The following POC1B variants were observed in gnomAD, a reference collection of about 807,000 sequenced individuals.
POC1B encodes the protein POC1 centriolar protein homolog B.
Under a neutral mutation model 60.6 loss-of-function variants are expected in POC1B, and 44 were observed. The ratio of observed to expected loss-of-function variants is 0.73; its 90% CI spans 0.57 to 0.93. The LOEUF (loss-of-function observed/expected upper bound fraction) is 0.93, where lower values mean the gene tolerates loss of function less well. Among genes scored for constraint, POC1B ranks in the 40% least tolerant of loss-of-function variants. The pLI is 0.00. For missense variants in POC1B, 555 were observed against 572.3 expected (o/e 0.97, Z 0.31); for synonymous variants, 180 against 198.9 (o/e 0.90, Z 0.80).
the POC1B span, among the ~76,000 whole-genome samples, chr12:89,402,650 G>C: frequency 1.3e-5 from 2 of 152,140 alleles, no homozygotes; most frequent in Non-Finnish European, 2.9e-5. Context: ...GCATTAGTTT[G>C]CTGAGAATAA....
rs918920719 is a variant in POC1B at position 89,500,874 on chromosome 12, G to A, written c.101-3532C>T. 2.3e-5 allele frequency: 25 copies of A among 1,070,828 alleles called. No individual in the cohort carries two copies. The African/African-American group carries it at 3.3e-4, about 14-fold the overall frequency. The allele number at this position is 1,070,828 out of a possible 1,614,324, so 66.3% of individuals were successfully genotyped here. On this transcript the variant is annotated intron_variant, in intron 2 of 11. Coordinates refer to ENST00000313546, the MANE Select transcript of POC1B (RefSeq NM_172240.3). ...TTCAGAATATGAAATTCAATGACAA[G>A]CTAAAAAAAGTTTTTCAACATTGTT...
intron 10 of POC1B, among the ~76,000 whole-genome samples, chr12:89,449,294 G>A (rs1209412659): frequency 6.6e-6 from 1 of 152,148 alleles, no homozygotes; most frequent in Admixed American, 6.5e-5. Context: ...ATGCTTAGTA[G>A]TAAAATGTTT....
At chr12:89,524,682 C>T in intron 2 of POC1B, 1 of 964,610 alleles carries the variant, frequency 1.0e-6, no homozygotes, top group Non-Finnish European at 1.5e-6. Context: ...GGCTCCTTTC[C>T]AGCCACCCAG....
chr12:89,491,520 A>C (rs570856734), intron 4 of POC1B, among the ~76,000 whole-genome samples: 1 of 150,702 alleles, frequency 6.6e-6, no homozygotes, highest in African/African-American at 2.4e-5. Context: ...AGCTACTCAG[A>C]GTCTGAGGTA....
intron 6 of POC1B, among the ~76,000 whole-genome samples, 153 bp downstream of exon 6, chr12:89,471,461 G>A (rs759325328): frequency 2.0e-5 from 3 of 152,104 alleles, no homozygotes; most frequent in Non-Finnish European, 4.4e-5. Flanking sequence ...CTGAGACCCT[G>A]CTGTTGATGG....
At chr12:89,522,486 GGAC>G (rs1870968276) in intron 2 of POC1B, 1 of 346,642 alleles carries the variant, frequency 2.9e-6, no homozygotes, top group African/African-American at 2.1e-5. Flanking sequence ...CATTTTACTT[GGAC>G]CTTTACATTC....
At chr12:89,525,075 T>C in intron 2 of POC1B, 45 bp downstream of exon 2, 1 of 1,612,546 alleles carries the variant, frequency 6.2e-7, no homozygotes, top group Non-Finnish European at 8.5e-7. Context: ...TTCCGGCCCA[T>C]GGAGTTTAGT....
intron 2 of POC1B, chr12:89,524,535 C>G (rs778200897): frequency 6.2e-7 from 1 of 1,611,346 alleles, no homozygotes; most frequent in South Asian, 1.1e-5. Context: ...CTGCCCAAGT[C>G]CACCTCACCG....
chr12:89,441,510 G>C (rs1881521053), intron 10 of POC1B, among the ~76,000 whole-genome samples: 1 of 152,178 alleles, frequency 6.6e-6, no homozygotes, highest in African/African-American at 2.4e-5. Context: ...ACAGGGTCGG[G>C]AGTGGACCTC....
At chr12:89,491,891 A>T (rs1868997769) in intron 4 of POC1B, 45 bp downstream of exon 4, 1 of 1,416,746 alleles carries the variant, frequency 7.1e-7, no homozygotes, top group African/African-American at 1.4e-5. Flanking sequence ...AACATGAAGC[A>T]GAAAAAATAT....
At chr12:89,459,033 C>T (rs545804611) in intron 10 of POC1B, among the ~76,000 whole-genome samples, 2 of 152,068 alleles carry the variant, frequency 1.3e-5, no homozygotes, top group Non-Finnish European at 2.9e-5. Flanking sequence ...GATTAACCAA[C>T]GGCAGTGCTG....
intron 10 of POC1B, among the ~76,000 whole-genome samples, chr12:89,448,703 C>G (rs767153734): frequency 8.2e-4 from 125 of 152,200 alleles, no homozygotes; most frequent in Non-Finnish European, 1.6e-3. Flanking sequence ...CTTGAACAAC[C>G]TATGATGAGC....
At chr12:89,521,885 C>T (rs905316337) in intron 2 of POC1B, 31 of 397,848 alleles carry the variant, frequency 7.8e-5, no homozygotes, top group African/African-American at 5.8e-4. Flanking sequence ...GAACCTAGCC[C>T]ACTTTCAGTT....
chr12:89,450,951 A>G (rs1481025755), intron 10 of POC1B, among the ~76,000 whole-genome samples: 1 of 152,214 alleles, frequency 6.6e-6, no homozygotes, highest in Non-Finnish European at 1.5e-5. Context: ...AAGTCTGTAA[A>G]TGCTAAAAGG....
At position 89,459,618 on chromosome 12, in the gene POC1B, A is replaced by T; in HGVS notation, c.1113+20T>A. On this transcript the variant is annotated intron_variant, in intron 10 of 11. Coordinates refer to ENST00000313546, the MANE Select transcript of POC1B (RefSeq NM_172240.3). ...AAATGCCACTTAAGTGTCAAAAAAAAAAAAAAAAACCCGACTTACTGTGGT... is the reference window on the plus strand; with the variant it reads ...AAATGCCACTTAAGTGTCAAAAAAATAAAAAAAAACCCGACTTACTGTGGT... 1 of 1,352,112 alleles carries T rather than the reference A, an allele frequency of 7.4e-7. No individual in the cohort carries two copies. The highest frequency in any genetic ancestry group is 2.5e-5 in the Admixed American group (1 of 40,676). The allele number at this position is 1,352,112 out of a possible 1,614,324, so 83.8% of individuals were successfully genotyped here. A position where few individuals can be genotyped will look rare whatever the true frequency, so the allele number is the denominator to read the frequency against.
chr12:89,449,999 G>A (rs957205034), intron 10 of POC1B, among the ~76,000 whole-genome samples: 1 of 151,966 alleles, frequency 6.6e-6, no homozygotes, highest in Non-Finnish European at 1.5e-5. Context: ...GGATTTTAAG[G>A]TTTTATCATT....
intron 2 of POC1B, among the ~76,000 whole-genome samples, chr12:89,503,611 C>T (rs11105306): frequency 0.19 from 27,366 of 147,308 alleles, 3,043 homozygotes; most frequent in South Asian, 0.35. Context: ...TCTGCCCGGC[C>T]GCCCATCGTC....
the POC1B span, among the ~76,000 whole-genome samples, chr12:89,414,671 A>C: frequency 6.6e-6 from 1 of 152,242 alleles, no homozygotes; most frequent in Non-Finnish European, 1.5e-5. Flanking sequence ...ATTTCACTTA[A>C]AAATCTACTA....
At chr12:89,524,665 G>A (rs1871259478) in intron 2 of POC1B, 1 of 1,108,088 alleles carries the variant, frequency 9.0e-7, no homozygotes, top group Non-Finnish European at 1.3e-6. Context: ...CTTTCATGCA[G>A]GCGCTAGGCT....
Sources: gnomAD v4.1 joint callset for allele counts (sites outside exome capture counted in the v4.1 genomes callset) on GRCh38, gnomAD v4.1.1 for gene constraint, MANE v1.5 for transcripts, NCBI Gene and HGNC (gene_info 2026-07-23, HGNC 2026-07-21) for gene names.